Variants in UXS1 observed in about 807,000 individuals in gnomAD.
UXS1 encodes the protein UDP-glucuronate decarboxylase 1.
A neutral mutation model predicts 62.6 loss-of-function variants in UXS1; 33 were observed. The ratio of observed to expected loss-of-function variants is 0.53; its 90% CI spans 0.40 to 0.70. UXS1 has a LOEUF of 0.70. Ranked by LOEUF, UXS1 falls within the 30% of genes least tolerant of loss-of-function variation. The pLI is 0.00. For synonymous variants in UXS1, 213 were observed against 206.8 expected (o/e 1.03, Z -0.26); for missense variants, 434 against 556.3 (o/e 0.78, Z 2.21).
At chr2:106,188,612 T>C (rs552189957) in intron 1 of UXS1, among the ~76,000 whole-genome samples, 30 of 152,340 alleles carry the variant, frequency 2.0e-4, no homozygotes, top group Non-Finnish European at 2.9e-4. Context: ...GGCTCCAGGA[T>C]GCAGGCAGCC....
At chr2:106,097,316 G>A in intron 13 of UXS1, 1 of 423,024 alleles carries the variant, frequency 2.4e-6, no homozygotes, top group South Asian at 1.7e-5. Flanking sequence ...ACCTCTCGGA[G>A]GACGGCAAAG....
chr2:106,151,234 T>C (rs1201601919), intron 5 of UXS1, among the ~76,000 whole-genome samples: 1 of 152,142 alleles, frequency 6.6e-6, no homozygotes, highest in East Asian at 1.9e-4. Flanking sequence ...GCTGGGCTAT[T>C]GGGATGAAAT....
intron 6 of UXS1, among the ~76,000 whole-genome samples, chr2:106,140,201 T>A (rs1573491065): frequency 6.6e-6 from 1 of 152,122 alleles, no homozygotes; most frequent in African/African-American, 2.4e-5. Flanking sequence ...GGAGCTGGGG[T>A]TGCCCGCCAG....
chr2:106,104,573 T>C (rs1021043389), intron 11 of UXS1, among the ~76,000 whole-genome samples: 2 of 152,236 alleles, frequency 1.3e-5, no homozygotes, highest in Non-Finnish European at 2.9e-5. Context: ...AGTAAAAGAT[T>C]AGCACATGAG....
At chr2:106,116,906 A>G (rs958778460) in intron 9 of UXS1, among the ~76,000 whole-genome samples, 2 of 152,180 alleles carry the variant, frequency 1.3e-5, no homozygotes, top group Admixed American at 6.5e-5. Flanking sequence ...CTCACGACAC[A>G]TGGGTTCTCC....
chr2:106,103,946 GT>G lies in UXS1; in HGVS notation c.923+847del, dbSNP rs539248220. On this transcript the variant is annotated intron_variant, in intron 11 of 14. Transcript: ENST00000283148. ...ATTTTATGTGGTTGCTTTGGCTGAGGTGGGACTTGGGGGCTGCCCCGACCTG... is the reference window on the plus strand; with the variant it reads ...ATTTTATGTGGTTGCTTTGGCTGAGGGGGACTTGGGGGCTGCCCCGACCTG... Among the ~76,000 whole-genome samples the G allele has an allele frequency of 3.3e-4, 50 of 152,280 alleles. 1 individual carries two copies. Among genetic ancestry groups the G allele is most frequent in the African/African-American group, 1.1e-3 (47 of 41,550 alleles).
At chr2:106,187,657 C>T (rs1684649245) in intron 1 of UXS1, among the ~76,000 whole-genome samples, 1 of 151,806 alleles carries the variant, frequency 6.6e-6, no homozygotes, top group Non-Finnish European at 1.5e-5. Flanking sequence ...GGTACCACAA[C>T]TAAAATGTCA....
At chr2:106,131,029 G>A (rs892731414) in intron 6 of UXS1, among the ~76,000 whole-genome samples, 1 of 151,434 alleles carries the variant, frequency 6.6e-6, no homozygotes, top group Non-Finnish European at 1.5e-5. Context: ...CAGACAGTGG[G>A]CGCAGGCCAG....
intron 1 of UXS1, among the ~76,000 whole-genome samples, chr2:106,187,333 C>A (rs1274576142): frequency 6.6e-6 from 1 of 152,116 alleles, no homozygotes; most frequent in African/African-American, 2.4e-5. Context: ...GGAATGCCAC[C>A]GGTACTAGGT....
chr2:106,166,695 G>A (rs1683235137), intron 1 of UXS1, among the ~76,000 whole-genome samples: 2 of 107,484 alleles, frequency 1.9e-5, no homozygotes, highest in Non-Finnish European at 3.6e-5. Context: ...CAGTGCAGGT[G>A]AAGCTTTTTT....
rs1683190311 is a variant in UXS1, at chr2:106,166,056, C to T, written c.122G>A (p.Ser41Asn). ...ASVWGNFVNMSFLLNRSIQEN... is the reference protein window; with the variant it reads ...ASVWGNFVNMNFLLNRSIQEN... ...TACCCAAGTAATTAAAAACAATTAC[C>T]TCATATTAACGAAGTTGCCCCAAAC... The change falls in exon 2 of 15, where the codon AGC becomes AAC. Residue 41 changes from serine (S) to asparagine (N), a missense_variant and splice_region_variant. Transcript: ENST00000283148. 1 of 1,610,516 alleles carries T rather than the reference C, an allele frequency of 6.2e-7. No homozygotes were observed. The highest frequency in any genetic ancestry group is 1.1e-5 in the South Asian group (1 of 90,156).
intron 1 of UXS1, 38 bp from the exon 2 acceptor site, chr2:106,166,121 C>T (rs748555469): frequency 1.3e-6 from 2 of 1,597,114 alleles, no homozygotes; most frequent in Non-Finnish European, 1.7e-6. Context: ...ATGTTTAAGT[C>T]CACAACTTTC....
chr2:106,191,047 GA>G (rs1244080438), intron 1 of UXS1, among the ~76,000 whole-genome samples: 2 of 151,724 alleles, frequency 1.3e-5, no homozygotes, highest in East Asian at 1.9e-4. Flanking sequence ...ATTTCATTGA[GA>G]AAAAAAAGCC....
intron 13 of UXS1, chr2:106,097,060 G>A (rs747455454): frequency 4.2e-5 from 27 of 639,294 alleles, no homozygotes; most frequent in Non-Finnish European, 7.0e-5. Flanking sequence ...GCAAGAGCTC[G>A]GTGGGGGGCA....
Position 106,094,125 on chromosome 2 carries a change from A to G in UXS1, c.1179T>C (p.Ile393=), listed in dbSNP as rs1021658251. 1 of 1,612,500 alleles carries G rather than the reference A, an allele frequency of 6.2e-7. No homozygotes were observed. Among genetic ancestry groups the G allele is most frequent in the African/African-American group, 1.3e-5 (1 of 74,192 alleles). Residue 393 remains isoleucine, a synonymous_variant, in exon 15 of 15, where the codon ATT becomes ATC. Transcript: ENST00000283148. ...VPLEEGLNKA[I]HYFRKELEYQ... ...ACTCGAGTTCTTTACGGAAGTAGTG[A>G]ATTGCTTTGTTTAAACCTTCCTCCA... is the stretch of plus-strand genomic sequence containing the variant.
intron 1 of UXS1, among the ~76,000 whole-genome samples, chr2:106,166,699 CTTTTTT>C (rs10659239): frequency 2.4e-5 from 3 of 127,006 alleles, no homozygotes; most frequent in African/African-American, 5.9e-5. Context: ...GCAGGTGAAG[CTTTTTT>C]TTTTTTTTTT....
intron 10 of UXS1, among the ~76,000 whole-genome samples, chr2:106,110,352 C>T (rs1678485213): frequency 6.6e-6 from 1 of 152,130 alleles, no homozygotes; most frequent in African/African-American, 2.4e-5. Flanking sequence ...TGCATGCATT[C>T]TTGGGGAGGC....
At chr2:106,121,715 G>C (rs114036867) in intron 9 of UXS1, among the ~76,000 whole-genome samples, 25 of 152,220 alleles carry the variant, frequency 1.6e-4, no homozygotes, top group African/African-American at 5.8e-4. Flanking sequence ...AAGGCAATTA[G>C]TTCTGCTTCT....
chr2:106,115,330 A>AACACATT (rs754210656), intron 9 of UXS1, among the ~76,000 whole-genome samples: 1 of 152,198 alleles, frequency 6.6e-6, no homozygotes, highest in Non-Finnish European at 1.5e-5. Context: ...CCAAGAAGCA[A>AACACATT]ACACATTCAT....
Sources: allele counts gnomAD v4.1 joint callset (sites outside exome capture counted in the v4.1 genomes callset), GRCh38; gene constraint gnomAD v4.1.1; transcripts MANE v1.5; gene names NCBI Gene and HGNC (gene_info 2026-07-23, HGNC 2026-07-21).